SLC43A3: variants seen among roughly 807,000 people sequenced by gnomAD.
SLC43A3 encodes the protein solute carrier family 43 member 3.
In SLC43A3, 33 loss-of-function variants were observed where a neutral mutation model predicts 53.3. That is an observed-to-expected ratio of 0.62 (90% CI 0.47 to 0.83). The LOEUF is 0.83. Among genes scored for constraint, SLC43A3 ranks in the 40% least tolerant of loss-of-function variants. SLC43A3 has a pLI of 0.00. For synonymous variants in SLC43A3, 236 were observed against 246.2 expected, an observed-to-expected ratio of 0.96 and a Z score of 0.39; for missense variants, 530 against 610.0, an observed-to-expected ratio of 0.87 and a Z score of 1.38.
At chr11:57,416,439 A>G (rs1420935380) in intron 9 of SLC43A3, 134 bp downstream of exon 9, 5 of 651,440 alleles carry the variant, frequency 7.7e-6, no homozygotes, top group Non-Finnish European at 1.4e-5. Flanking sequence ...GGTTGGGAAG[A>G]TGCCTAAGGC....
intron 5 of SLC43A3, among the ~76,000 whole-genome samples, chr11:57,422,962 TAC>T (rs555064716): frequency 1.8e-4 from 27 of 152,340 alleles, no homozygotes; most frequent in African/African-American, 6.3e-4. Context: ...TAGCATAGCT[TAC>T]ACACACAAGA....
Position 57,414,654 on chromosome 11 carries a change from G to C in SLC43A3, c.1021C>G (p.Arg341Gly). The C allele has an allele frequency of 6.2e-7, 1 of 1,613,880 alleles. No individual in the cohort carries two copies. Among genetic ancestry groups the C allele is most frequent in the African/African-American group, 1.3e-5 (1 of 74,966 alleles). ...TCCTTCTGGTACTTCTGTTTAAGCC[G>C]GTCCATGAGCAGGCCATTCCAGGGG... ...CAPWNGLLMD[R>G]LKQKYQKEAR... Residue 341 changes from arginine (R) to glycine (G), a missense_variant, in exon 11 of 14, where the codon CGG becomes GGG. Coordinates refer to ENST00000395124, the MANE Select transcript of SLC43A3 (RefSeq NM_199329.3).
rs373402540 is a variant in SLC43A3 at position 57,421,365 on chromosome 11, C to T, written c.370G>A (p.Val124Met). The T allele has an allele frequency of 1.2e-4, 200 of 1,613,586 alleles. No homozygotes were observed. The highest frequency in any genetic ancestry group is 1.5e-4 in the Non-Finnish European group (181 of 1,179,832). The change falls in exon 6 of 14, where the codon GTG becomes ATG. Residue 124 changes from valine to methionine, a missense_variant. Physicochemically the swap from Val to Met is conservative, Grantham distance 21. This residue lies in a region of SLC43A3 where 376 missense variants were observed against 386.7 expected (regional missense o/e 0.97). Coordinates refer to ENST00000395124, the MANE Select transcript of SLC43A3 (RefSeq NM_199329.3). ...ATTGGCATGGCCAGGAAGAGCAGCA[C>T]GGCTGAGCCTGGACCATCAAAGTCA... is the stretch of plus-strand genomic sequence containing the variant. ...IIAFTSAGSA[V>M]LLFLAMPMLT...
intron 11 of SLC43A3, among the ~76,000 whole-genome samples, chr11:57,411,074 C>G (rs1942435882): frequency 6.6e-6 from 1 of 151,946 alleles, no homozygotes; most frequent in Non-Finnish European, 1.5e-5. Flanking sequence ...GTATATACAC[C>G]TACACAATGT....
At chr11:57,411,159 C>T (rs1166512445) in intron 11 of SLC43A3, among the ~76,000 whole-genome samples, 1 of 152,082 alleles carries the variant, frequency 6.6e-6, no homozygotes, top group Non-Finnish European at 1.5e-5. Flanking sequence ...GGAAAGTAAA[C>T]TTCTTTGAAT....
intron 5 of SLC43A3, 101 bp from the exon 6 acceptor site, chr11:57,421,474 T>C (rs1333731850): frequency 1.2e-6 from 1 of 832,482 alleles, no homozygotes; most frequent in East Asian, 2.5e-5. Flanking sequence ...ACAATCCTGG[T>C]ATCCAGGCCC....
chr11:57,416,346 G>C (rs748483386), intron 9 of SLC43A3, among the ~76,000 whole-genome samples: 1 of 152,210 alleles, frequency 6.6e-6, no homozygotes, highest in Non-Finnish European at 1.5e-5. Flanking sequence ...GGGCTTCAAG[G>C]GGTGGGGAAG....
At position 57,421,309 on chromosome 11, in the gene SLC43A3, G is replaced by A. The variant is rs753208439; in HGVS notation, c.426C>T (p.Ile142=). Residue 142 remains isoleucine, a synonymous_variant, in exon 6 of 14, where the codon ATC becomes ATT. Coordinates refer to ENST00000395124, the MANE Select transcript of SLC43A3 (RefSeq NM_199329.3). ...MLTIGGILFL[I]TNLQIGNLFG... ...GGAAGGCTCCCACCTGCAGGTTGGT[G>A]ATGAGAAACAGGATTCCCCCAATGG... 1 of 1,613,572 alleles carries A rather than the reference G, an allele frequency of 6.2e-7. No individual in the cohort carries two copies. The highest frequency in any genetic ancestry group is 2.2e-5 in the East Asian group (1 of 44,880).
rs1943099697 is a variant in SLC43A3, at chr11:57,424,013, G to A, written c.330C>T (p.Thr110=). The part of the protein sequence containing the change: ...ARLIAIFFYT[T]ATLIIAFTSA... ...AGGTGAAGGCTATGATGAGTGTGGCGGTGGTGTAGAAAAATCTGAAACACA... is the reference window on the plus strand; with the variant it reads ...AGGTGAAGGCTATGATGAGTGTGGCAGTGGTGTAGAAAAATCTGAAACACA... The change falls in exon 5 of 14, where the codon ACC becomes ACT. Residue 110 remains threonine, a synonymous_variant. Transcript: ENST00000395124. The A allele has an allele frequency of 6.2e-7, 1 of 1,613,980 alleles. No homozygotes were observed. The highest frequency in any genetic ancestry group is 8.5e-7 in the Non-Finnish European group (1 of 1,179,982).
intron 9 of SLC43A3, 55 bp downstream of exon 9, chr11:57,416,518 G>C: frequency 7.0e-7 from 1 of 1,428,840 alleles, no homozygotes. Flanking sequence ...GGCCAGGAAA[G>C]GCACAAGGAG....
chr11:57,417,826 G>A lies in SLC43A3; in HGVS notation c.593C>T (p.Thr198Ile). 1 of 1,614,180 alleles carries A rather than the reference G, an allele frequency of 6.2e-7. No homozygotes were observed. The highest frequency in any genetic ancestry group is 8.5e-7 in the Non-Finnish European group (1 of 1,180,032). The stretch of plus-strand genomic sequence containing the variant: ...GAGGAAAGTGCGTGCTACATGCCAG[G>A]TACTGCAGACAGAGATGAAGATGAA... ...ASFIFISVCS[T>I]WHVARTFLLM... Residue 198 changes from threonine to isoleucine, a missense_variant, in exon 8 of 14, where the codon ACC becomes ATC. Transcript: ENST00000395124.
chr11:57,421,514 A>G (rs1942988597), intron 5 of SLC43A3, 141 bp from the exon 6 acceptor site: 1 of 638,462 alleles, frequency 1.6e-6, no homozygotes, highest in Non-Finnish European at 2.8e-6. Context: ...AGCGTCCTTC[A>G]AGGGTTTTTA....
chr11:57,425,994 T>G lies in SLC43A3; in HGVS notation c.179A>C (p.Gln60Pro). 2 of 1,613,902 alleles carry G rather than the reference T, an allele frequency of 1.2e-6. No individual in the cohort carries two copies. Among genetic ancestry groups the G allele is most frequent in the Non-Finnish European group, 1.7e-6 (2 of 1,179,728 alleles). Residue 60 changes from glutamine (Q) to proline (P), a missense_variant, in exon 3 of 14, where the codon CAG (glutamine) becomes CCG (proline). Gln to Pro is a moderately conservative substitution (Grantham distance 76). Around this residue, in one of 3 missense-constraint regions of SLC43A3, gnomAD observed 376 missense variants for 386.7 expected, o/e 0.97. Coordinates refer to ENST00000395124, the MANE Select transcript of SLC43A3 (RefSeq NM_199329.3). Reference sequence around the variant, plus strand: ...AAAGTCATCCCTGCCCTTACCAGCCTGCCCTGTGGCATTGCCAATCGGCCC... The same window carrying G: ...AAAGTCATCCCTGCCCTTACCAGCCGGCCCTGTGGCATTGCCAATCGGCCC... Reference protein sequence around the residue: ...DAGPIGNATGQADCKAQDERF... With the variant: ...DAGPIGNATGPADCKAQDERF...
intron 11 of SLC43A3, among the ~76,000 whole-genome samples, chr11:57,412,700 C>T (rs892511221): frequency 9.2e-5 from 14 of 151,680 alleles, no homozygotes; most frequent in South Asian, 2.1e-4. Context: ...GCCAGCTACT[C>T]GGGATGCTGA....
intron 7 of SLC43A3, among the ~76,000 whole-genome samples, chr11:57,418,677 GC>G (rs1350757292): frequency 6.6e-6 from 1 of 152,076 alleles, no homozygotes; most frequent in Non-Finnish European, 1.5e-5. Context: ...ATCACCTGAG[GC>G]CAGGAGTTCC....
rs374527013 is a variant in SLC43A3, at chr11:57,407,898, T to C, written c.1372-2A>G. ...GGCAAGCATGAACATCACATTCACC[T>C]GCAGGGAGAGCAGAAGTGAGGTGAA... is the stretch of plus-strand genomic sequence containing the variant. On this transcript the variant is annotated splice_acceptor_variant, in intron 13 of 13. Coordinates refer to ENST00000395124, the MANE Select transcript of SLC43A3 (RefSeq NM_199329.3). LOFTEE classifies it high-confidence loss of function. 1.9e-6 allele frequency: 3 copies of C among 1,598,880 alleles called. No homozygotes were observed. Among genetic ancestry groups the C allele is most frequent in the African/African-American group, 2.7e-5 (2 of 74,556 alleles).
intron 5 of SLC43A3, among the ~76,000 whole-genome samples, chr11:57,422,948 G>A (rs1006446825): frequency 1.3e-5 from 2 of 152,222 alleles, no homozygotes; most frequent in African/African-American, 4.8e-5. Context: ...GATGCTGTCA[G>A]CTTTAGCATA....
chr11:57,409,600 G>A (rs1942358941), intron 12 of SLC43A3, among the ~76,000 whole-genome samples: 1 of 152,204 alleles, frequency 6.6e-6, no homozygotes, highest in Non-Finnish European at 1.5e-5. Flanking sequence ...CACTAGCAAA[G>A]GAAGTAAGAC....
Position 57,425,549 on chromosome 11 carries a change from G to A in SLC43A3, c.306C>T (p.Leu102=). The change falls in exon 4 of 14, where the codon CTC becomes CTT. Residue 102 remains leucine, a synonymous_variant. Coordinates refer to ENST00000395124, the MANE Select transcript of SLC43A3 (RefSeq NM_199329.3). ...TGGCCTTTGGGACTTACATGGCTAT[G>A]AGGCGTGCCACGGTGGTCTTGAACC... ...FDRFKTTVAR[L]IAIFFYTTAT... 6.2e-7 allele frequency: 1 copy of A among 1,613,902 alleles called. No homozygotes were observed. Among genetic ancestry groups the A allele is most frequent in the Admixed American group, 1.7e-5 (1 of 60,008 alleles).
Sources: gnomAD v4.1 joint callset for allele counts (sites outside exome capture counted in the v4.1 genomes callset) on GRCh38, gnomAD v4.1.1 for gene constraint, gnomAD v4.1.1 regional missense constraint, MANE v1.5 for transcripts, NCBI Gene and HGNC (gene_info 2026-07-23, HGNC 2026-07-21) for gene names.